SPTBN4: variants seen among roughly 807,000 people sequenced by gnomAD.
SPTBN4 encodes the protein spectrin beta chain, non-erythrocytic 4.
SPTBN4 carries 96 observed loss-of-function variants against 277.8 expected under a neutral mutation model. The ratio of observed to expected loss-of-function variants is 0.35; its 90% CI spans 0.29 to 0.41. The LOEUF is 0.41. Ranked by LOEUF, SPTBN4 falls within the 10% of genes least tolerant of loss-of-function variation. The probability of loss-of-function intolerance (pLI) is 1.00; values close to 1 mark genes in which losing one functional copy is unlikely to be tolerated. For synonymous variants in SPTBN4, 1,481 were observed against 1,580.3 expected (o/e 0.94, Z 1.49); for missense variants, 3,006 against 3,595.7 (o/e 0.84, Z 4.19).
Position 40,567,767 on chromosome 19 carries a change from G to T in SPTBN4, c.6441G>T (p.Leu2147=). ...AACTGGCGGCCAAGGCGGCGCCCCTGCTGCGGCCAGGGGGCTATGAAAGGG... is the reference window on the plus strand; with the variant it reads ...AACTGGCGGCCAAGGCGGCGCCCCTTCTGCGGCCAGGGGGCTATGAAAGGG... ...PTELAAKAAP[L]LRPGGYERGL... The change falls in exon 31 of 36, where the codon CTG becomes CTT. Residue 2147 remains leucine, a synonymous_variant. Coordinates refer to ENST00000598249, the MANE Select transcript of SPTBN4 (RefSeq NM_020971.3). 1 of 1,536,712 alleles carries T rather than the reference G, an allele frequency of 6.5e-7. No individual in the cohort carries two copies. The highest frequency in any genetic ancestry group is 8.8e-7 in the Non-Finnish European group (1 of 1,141,804).
At chr19:40,544,127 C>CTT (rs10618096) in intron 20 of SPTBN4, among the ~76,000 whole-genome samples, 528 of 127,790 alleles carry the variant, frequency 4.1e-3, no homozygotes, top group Non-Finnish European at 5.8e-3. Context: ...TCTTCTTCCT[C>CTT]TTTTTTTTTT....
At chr19:40,471,905 ATT>A (rs34333509) in intron 1 of SPTBN4, among the ~76,000 whole-genome samples, 15,751 of 108,112 alleles carry the variant, frequency 0.15, 890 homozygotes, top group Middle Eastern at 0.23. Flanking sequence ...ACATCCAGCT[ATT>A]TTTTTTTTTT....
intron 33 of SPTBN4, chr19:40,571,803 A>C (rs2081157874): frequency 2.1e-6 from 1 of 469,200 alleles, no homozygotes; most frequent in South Asian, 5.4e-5. Flanking sequence ...GGGAAATCTC[A>C]GCCTGGGCAA....
intron 2 of SPTBN4, among the ~76,000 whole-genome samples, chr19:40,476,029 G>C (rs1402683614): frequency 6.7e-6 from 1 of 148,972 alleles, no homozygotes; most frequent in Non-Finnish European, 1.5e-5. Context: ...CTGGGCAACA[G>C]GTTGAGACCC....
chr19:40,474,421 G>T (rs2079923838), intron 2 of SPTBN4, among the ~76,000 whole-genome samples: 1 of 151,012 alleles, frequency 6.6e-6, no homozygotes, highest in South Asian at 2.1e-4. Flanking sequence ...AGTACAGTGG[G>T]TCACCCTACC....
chr19:40,530,723 G>A (rs1462810338), intron 18 of SPTBN4: 2 of 286,752 alleles, frequency 7.0e-6, no homozygotes, highest in African/African-American at 2.3e-5. Flanking sequence ...GGGCCGGGCA[G>A]GCGCCCGGAC....
chr19:40,512,566 C>T, intron 13 of SPTBN4, 40 bp from the exon 14 acceptor site: 1 of 1,489,026 alleles, frequency 6.7e-7, no homozygotes. Flanking sequence ...CGCCCCTTGG[C>T]TTGTGACCAA....
Position 40,513,181 on chromosome 19 carries a change from G to A in SPTBN4, c.2392G>A (p.Ala798Thr), listed in dbSNP as rs2080413378. The A allele has an allele frequency of 1.3e-6, 2 of 1,502,144 alleles. No individual in the cohort carries two copies. The highest frequency in any genetic ancestry group is 1.8e-6 in the Non-Finnish European group (2 of 1,134,006). 93.1% of individuals were successfully genotyped at this position (1,502,144 alleles called of 1,614,324 possible). ...TCGCGACGCTTACCGCCTGGCAGCC[G>A]CCGGTGACTTCGGCCACGACGAAGC... is the stretch of plus-strand genomic sequence containing the variant. ...WLRDAYRLAAAGDFGHDEASS... is the reference protein window; with the variant it reads ...WLRDAYRLAATGDFGHDEASS... The change falls in exon 14 of 36, where the codon GCC becomes ACC. Residue 798 changes from alanine (A) to threonine (T), a missense_variant. By Grantham distance (58) the Ala-to-Thr change is moderately conservative. Around this residue, in one of 5 missense-constraint regions of SPTBN4, gnomAD observed 1,759 missense variants for 2,061.5 expected, o/e 0.85. Transcript: ENST00000598249.
chr19:40,540,720 G>C lies in SPTBN4; in HGVS notation c.4359+6377G>C, dbSNP rs183631322. 4.8e-3 allele frequency among the ~76,000 whole-genome samples: 725 copies of C among 149,892 alleles called. 9 individuals are homozygous for C. The highest frequency in any genetic ancestry group is 0.017 in the African/African-American group (694 of 40,672). ...TCCCAGCTACTCAGAAGGCTGAAGT[G>C]GGAGGATCACTTGAGCCCAGGAGGT... On this transcript the variant is annotated intron_variant, in intron 20 of 35. Coordinates refer to ENST00000598249, the MANE Select transcript of SPTBN4 (RefSeq NM_020971.3).
chr19:40,554,477 C>T lies in SPTBN4; in HGVS notation c.4954-39C>T, dbSNP rs776933271. The stretch of plus-strand genomic sequence containing the variant: ...GCCTGGGGGCGCTGGAGCCGGGGGC[C>T]GCCGCTGCCGCCTCATCGTGGGCGC... On this transcript the variant is annotated intron_variant, in intron 23 of 35. Coordinates refer to ENST00000598249, the MANE Select transcript of SPTBN4 (RefSeq NM_020971.3). The surrounding 1 kb of genome is among the most constrained non-coding windows in gnomAD (Gnocchi z 5.7). 11 of 1,485,470 alleles carry T rather than the reference C, an allele frequency of 7.4e-6. No homozygotes were observed. The highest frequency in any genetic ancestry group is 5.4e-5 in the South Asian group (4 of 74,140). 92.0% of individuals were successfully genotyped at this position (1,485,470 alleles called of 1,614,324 possible). A position where few individuals can be genotyped will look rare whatever the true frequency, so the allele number is the denominator to read the frequency against.
chr19:40,474,049 G>A (rs2079918402), intron 2 of SPTBN4, among the ~76,000 whole-genome samples: 1 of 150,432 alleles, frequency 6.6e-6, no homozygotes, highest in Non-Finnish European at 1.5e-5. Context: ...CTATTTGGGA[G>A]GCTGAGGTGG....
chr19:40,565,853 G>A (rs2081086333), intron 29 of SPTBN4, 108 bp downstream of exon 29: 2 of 1,239,274 alleles, frequency 1.6e-6, no homozygotes, highest in Non-Finnish European at 2.2e-6. Flanking sequence ...CCTACCCATG[G>A]GTCTCCAGAA....
intron 3 of SPTBN4, among the ~76,000 whole-genome samples, chr19:40,489,605 C>T (rs1014661472): frequency 2.0e-5 from 3 of 152,142 alleles, no homozygotes; most frequent in Admixed American, 6.5e-5. Flanking sequence ...TCAGGCTGGT[C>T]TCGAACTCCT....
Position 40,515,363 on chromosome 19 carries a change from G to T in SPTBN4, c.2818G>T (p.Val940Leu), listed in dbSNP as rs747848984. The change falls in exon 15 of 36, where the codon GTG becomes TTG. Residue 940 changes from valine (V) to leucine (L), a missense_variant. Val to Leu is a conservative substitution (Grantham distance 32, BLOSUM62 1). This residue lies in a region of SPTBN4 where 1,759 missense variants were observed against 2,061.5 expected (regional missense o/e 0.85). Transcript: ENST00000598249. This position sits in a 1 kb window ranked among gnomAD's most constrained non-coding sequence, Gnocchi z 4.1. ...CAGCCTGATGGGCCGCGTTCTGGAC[G>T]TGAACCACACAGTCCAGGAGCTGGT... ...MNSLMGRVLD[V>L]NHTVQELVEG... The T allele has an allele frequency of 6.2e-7, 1 of 1,609,826 alleles. No homozygotes were observed.
intron 1 of SPTBN4, among the ~76,000 whole-genome samples, chr19:40,471,905 ATTTTTT>A (rs34333509): frequency 0.21 from 23,509 of 109,530 alleles, 2,132 homozygotes; most frequent in South Asian, 0.29. Context: ...ACATCCAGCT[ATTTTTT>A]TTTTTTTTTT....
chr19:40,538,394 A>C (rs1363212620), intron 20 of SPTBN4, among the ~76,000 whole-genome samples: 1 of 150,912 alleles, frequency 6.6e-6, no homozygotes, highest in Non-Finnish European at 1.5e-5. Flanking sequence ...CTGTCTCAAA[A>C]AAAAAAAAAA....
At chr19:40,474,683 TG>T (rs1369194318) in intron 2 of SPTBN4, among the ~76,000 whole-genome samples, 4 of 151,986 alleles carry the variant, frequency 2.6e-5, no homozygotes, top group Non-Finnish European at 5.9e-5. Context: ...ATGGATCACT[TG>T]AGATCAGGAG....
At chr19:40,527,133 G>C (rs2145888356) in intron 17 of SPTBN4, among the ~76,000 whole-genome samples, 1 of 152,216 alleles carries the variant, frequency 6.6e-6, no homozygotes, top group South Asian at 2.1e-4. Context: ...TATACACTCT[G>C]TCTCTTTGCT....
intron 20 of SPTBN4, 30 bp downstream of exon 20, chr19:40,534,373 C>G: frequency 6.2e-7 from 1 of 1,603,036 alleles, no homozygotes. Context: ...GATGAGGGCT[C>G]CCTATGCCAC....
Sources: gnomAD v4.1 joint callset for allele counts (sites outside exome capture counted in the v4.1 genomes callset) on GRCh38, gnomAD v4.1.1 for gene constraint, gnomAD v4.1.1 regional missense constraint, Gnocchi (gnomAD v3.1) non-coding constraint, MANE v1.5 for transcripts, NCBI Gene and HGNC (gene_info 2026-07-23, HGNC 2026-07-21) for gene names.